The following CFAP68 variants were observed in gnomAD, a reference collection of about 807,000 sequenced individuals.
CFAP68 encodes the protein cilia and flagella associated protein 68.
the CFAP68 span, chr11:111,883,060 C>T: frequency 9.3e-7 from 1 of 1,073,194 alleles, no homozygotes; most frequent in Non-Finnish European, 1.4e-6. Context: ...CGTGAGAATT[C>T]ATGTCATATT....
the CFAP68 span, among the ~76,000 whole-genome samples, chr11:111,882,033 T>C: frequency 2.6e-5 from 4 of 152,200 alleles, no homozygotes; most frequent in Non-Finnish European, 4.4e-5. Context: ...TAGCAGTGCT[T>C]TTAGTCCCTC....
chr11:111,880,480 C>G, the CFAP68 span, among the ~76,000 whole-genome samples: 2 of 152,146 alleles, frequency 1.3e-5, no homozygotes, highest in South Asian at 4.1e-4. Context: ...CAGCTAAAAT[C>G]CACCAAAACC....
At chr11:111,885,476 A>G in the CFAP68 span, 1 of 152,226 alleles carries the variant, frequency 6.6e-6, no homozygotes, top group African/African-American at 2.4e-5. Context: ...CTTGACACAG[A>G]GTCTTGGTAA....
the CFAP68 span, chr11:111,880,883 C>T: frequency 2.4e-6 from 1 of 421,750 alleles, no homozygotes. Context: ...ACTCTGAAAA[C>T]GGTGGAAAGC....
the CFAP68 span, chr11:111,881,199 C>T: frequency 7.7e-7 from 1 of 1,305,634 alleles, no homozygotes; most frequent in Non-Finnish European, 9.7e-7. Context: ...ATGGTGATGT[C>T]TGTCATTCCA....
the CFAP68 span, among the ~76,000 whole-genome samples, chr11:111,880,384 G>C: frequency 6.6e-6 from 1 of 152,180 alleles, no homozygotes; most frequent in Non-Finnish European, 1.5e-5. Context: ...GTAAGTTAAG[G>C]CATTCTTAGT....
At chr11:111,883,683 C>T in the CFAP68 span, 1 of 898,882 alleles carries the variant, frequency 1.1e-6, no homozygotes, top group African/African-American at 1.7e-5. Context: ...TGTCTATTCC[C>T]TAGAAATAAG....
At chr11:111,883,610 AAAAG>A in the CFAP68 span, among the ~76,000 whole-genome samples, 1 of 152,224 alleles carries the variant, frequency 6.6e-6, no homozygotes, top group Admixed American at 6.5e-5. Context: ...AAAAAGAAAA[AAAAG>A]GTGAATAACT....
chr11:111,881,236 T>G, the CFAP68 span: 1 of 1,371,570 alleles, frequency 7.3e-7, no homozygotes, highest in Non-Finnish European at 9.4e-7. Context: ...CACCTAGATC[T>G]CCAGTATGAG....
the CFAP68 span, chr11:111,880,868 A>C: frequency 2.3e-6 from 1 of 439,334 alleles, no homozygotes. Context: ...AACAGACTGA[A>C]TCTTACTCTG....
At chr11:111,882,663 A>G in the CFAP68 span, 1 of 1,357,792 alleles carries the variant, frequency 7.4e-7, no homozygotes, top group Non-Finnish European at 1.0e-6. Flanking sequence ...TGTAGTGGCC[A>G]TTTGAAATGC....
At chr11:111,881,345 G>A in the CFAP68 span, 2 of 1,466,416 alleles carry the variant, frequency 1.4e-6, no homozygotes, top group Non-Finnish European at 1.8e-6. Context: ...CAGATGGTAT[G>A]AGGGTAGTTA....
the CFAP68 span, chr11:111,884,006 C>G: frequency 2.1e-5 from 14 of 668,656 alleles, no homozygotes; most frequent in African/African-American, 2.0e-4. Flanking sequence ...ATTCTAAGTA[C>G]AGCTAAAAAT....
chr11:111,880,908 A>T, the CFAP68 span: 4 of 410,148 alleles, frequency 9.8e-6, no homozygotes, highest in Non-Finnish European at 1.9e-5. Flanking sequence ...GAAAGATTTT[A>T]AATAAGAAGA....
chr11:111,881,193 T>A, the CFAP68 span: 1 of 1,296,598 alleles, frequency 7.7e-7, no homozygotes, highest in East Asian at 3.4e-5. Flanking sequence ...GAGTGGATGG[T>A]GATGTCTGTC....
At chr11:111,885,313 A>G in the CFAP68 span, 1 of 152,158 alleles carries the variant, frequency 6.6e-6, no homozygotes, top group African/African-American at 2.4e-5. Context: ...CCCCATCTCT[A>G]CCAAAAAAAA....
chr11:111,884,800 A>C, the CFAP68 span: 4 of 152,214 alleles, frequency 2.6e-5, no homozygotes, highest in Non-Finnish European at 4.4e-5. Context: ...ACCTACTTCT[A>C]CTTTGTCTTA....
chr11:111,885,857 A>G, the CFAP68 span: 20 of 152,100 alleles, frequency 1.3e-4, no homozygotes, highest in African/African-American at 4.6e-4. Flanking sequence ...GTAGTGAGGA[A>G]GTTTCTTTTT....
chr11:111,879,738 C>G, the CFAP68 span: 2 of 1,012,906 alleles, frequency 2.0e-6, no homozygotes, highest in Admixed American at 1.8e-5. Flanking sequence ...AGCCTGCAGT[C>G]TGGTGGGGAA....
Sources: gnomAD v4.1 joint callset for allele counts (sites outside exome capture counted in the v4.1 genomes callset) on GRCh38, gnomAD v4.1.1 for gene constraint, MANE v1.5 for transcripts, NCBI Gene and HGNC (gene_info 2026-07-23, HGNC 2026-07-21) for gene names.